Variants in VPS53 observed in about 807,000 individuals in gnomAD.
VPS53 encodes the protein VPS53 subunit of GARP complex, also known as vacuolar protein sorting-associated protein 53 homolog.
A neutral mutation model predicts 107.0 loss-of-function variants in VPS53; 70 were observed. The ratio of observed to expected loss-of-function variants is 0.65; its 90% confidence interval spans 0.54 to 0.80. The LOEUF is 0.80. Ranked by LOEUF, VPS53 falls within the 30% of genes least tolerant of loss-of-function variation. The pLI is 0.00. For synonymous variants in VPS53, 409 were observed against 393.3 expected (o/e 1.04, Z -0.47); for missense variants, 917 against 1,049.4 (o/e 0.87, Z 1.74).
rs979567587 is a variant in VPS53, at chr17:519,362, C to T, written c.2329-64G>A. ...GGCCAGAATGGCCCACGGGGGACAGCGCAGTATCTGGATATGGGGTCAGCA... is the reference window on the plus strand; with the variant it reads ...GGCCAGAATGGCCCACGGGGGACAGTGCAGTATCTGGATATGGGGTCAGCA... On this transcript the variant is annotated intron_variant, in intron 21 of 21. Coordinates refer to ENST00000437048, the MANE Select transcript of VPS53 (RefSeq NM_001128159.3). The surrounding 1 kb of genome is among the most constrained non-coding windows in gnomAD (Gnocchi z 5.0). 4.2e-6 allele frequency: 6 copies of T among 1,417,236 alleles called. No homozygotes were observed. The highest frequency in any genetic ancestry group is 3.1e-5 in the Admixed American group (1 of 32,176). 87.8% of individuals were successfully genotyped at this position (1,417,236 alleles called of 1,614,324 possible).
intron 11 of VPS53, among the ~76,000 whole-genome samples, chr17:620,704 TCTCA>T (rs1969433346): frequency 6.9e-6 from 1 of 144,140 alleles, no homozygotes; most frequent in African/African-American, 2.6e-5. Context: ...TGAGATGGAG[TCTCA>T]CTCTGTCGCC....
At position 513,719 on chromosome 17, in the gene VPS53, A is replaced by G. The variant is rs531346849; in HGVS notation, c.*5409T>C. ...TCCGAGTGCTCTTCCTAGGGAAGGAATCTCATTTCCAGCAGGTTATTCCGA... is the reference window on the plus strand; with the variant it reads ...TCCGAGTGCTCTTCCTAGGGAAGGAGTCTCATTTCCAGCAGGTTATTCCGA... On this transcript the variant is annotated 3_prime_UTR_variant, in exon 22 of 22. Coordinates refer to ENST00000437048, the MANE Select transcript of VPS53 (RefSeq NM_001128159.3). The G allele has an allele frequency of 3.7e-4, 51 of 137,996 alleles. No homozygotes were observed. Among genetic ancestry groups the G allele is most frequent in the African/African-American group, 1.1e-3 (41 of 37,624 alleles). The allele number at this position is 137,996 out of a possible 1,614,324, so 8.5% of individuals were successfully genotyped here. A position where few individuals can be genotyped will look rare whatever the true frequency, so the allele number is the denominator to read the frequency against.
rs1359611039 is a variant in VPS53, at chr17:511,228, T to C, written c.*7900A>G. On this transcript the variant is annotated 3_prime_UTR_variant, in exon 22 of 22. Transcript: ENST00000437048. Reference sequence around the variant, plus strand: ...AGCTGAGAAGTGCCTTCCTTTTCCATCAGCGCAAGGCAAACACATGAAGGG... The same window carrying C: ...AGCTGAGAAGTGCCTTCCTTTTCCACCAGCGCAAGGCAAACACATGAAGGG... 6.6e-6 allele frequency: 1 copy of C among 152,190 alleles called. No homozygotes were observed. 9.4% of individuals were successfully genotyped at this position (152,190 alleles called of 1,614,324 possible).
At chr17:682,328 G>T (rs1200872928) in intron 4 of VPS53, among the ~76,000 whole-genome samples, 1 of 152,180 alleles carries the variant, frequency 6.6e-6, no homozygotes, top group Non-Finnish European at 1.5e-5. Context: ...CAGAAAGAGT[G>T]CTGCTCTTAC....
intron 7 of VPS53, among the ~76,000 whole-genome samples, chr17:635,529 G>A (rs1323881746): frequency 1.3e-5 from 2 of 152,214 alleles, no homozygotes; most frequent in African/African-American, 4.8e-5. Context: ...TATGGTTTTA[G>A]GTCTAACATT....
At position 628,219 on chromosome 17, in the gene VPS53, G is replaced by A; in HGVS notation, c.700C>T (p.Pro234Ser). The A allele has an allele frequency of 1.2e-6, 2 of 1,613,612 alleles. No individual in the cohort carries two copies. Among genetic ancestry groups the A allele is most frequent in the Non-Finnish European group, 1.7e-6 (2 of 1,179,886 alleles). Residue 234 changes from proline to serine, a missense_variant, in exon 9 of 22, where the codon CCC becomes TCC. Transcript: ENST00000437048. The stretch of plus-strand genomic sequence containing the variant: ...CATGCATCTCGTAGAACATTGCTGG[G>A]TCCTCCTGGTCTCTAGTAAAACAAA... ...PSQGTKRPGG[P>S]SNVLRDACLV...
At chr17:654,987 C>T (rs959562462) in intron 6 of VPS53, among the ~76,000 whole-genome samples, 3 of 152,112 alleles carry the variant, frequency 2.0e-5, no homozygotes, top group African/African-American at 7.2e-5. Flanking sequence ...GGAGCTCATC[C>T]AATACCTAGA....
At chr17:603,422 A>C (rs1255628573) in intron 11 of VPS53, among the ~76,000 whole-genome samples, 6 of 152,270 alleles carry the variant, frequency 3.9e-5, no homozygotes, top group Non-Finnish European at 7.3e-5. Flanking sequence ...ACTCCGTCTC[A>C]AAAATAAAAT....
At chr17:695,427 T>G (rs1972922361) in intron 4 of VPS53, among the ~76,000 whole-genome samples, 1 of 152,134 alleles carries the variant, frequency 6.6e-6, no homozygotes, top group South Asian at 2.1e-4. Context: ...AAAGAGTCTG[T>G]AAGCACAGGT....
chr17:608,623 T>C (rs565882461), intron 11 of VPS53, among the ~76,000 whole-genome samples: 3 of 138,338 alleles, frequency 2.2e-5, no homozygotes, highest in East Asian at 4.6e-4. Flanking sequence ...TTTTCTTTTC[T>C]TTTTTTTTTT....
chr17:641,848 T>A (rs1223728455), intron 7 of VPS53, among the ~76,000 whole-genome samples: 1 of 152,146 alleles, frequency 6.6e-6, no homozygotes, highest in Non-Finnish European at 1.5e-5. Context: ...GTTCAGCCTG[T>A]TGCATGGTGG....
At chr17:698,890 G>A (rs1047231421) in intron 3 of VPS53, among the ~76,000 whole-genome samples, 4 of 152,000 alleles carry the variant, frequency 2.6e-5, no homozygotes, top group Admixed American at 1.3e-4. Context: ...TTATATGGCC[G>A]GGTGCGGTGG....
chr17:623,665 A>C lies in VPS53; in HGVS notation c.984T>G (p.Leu328=), dbSNP rs762464266. ...TCGCTCTGGTACGCATAATCTTGGC[A>C]AGTTCTGCCCTTCAAAACAAAGAGA... is the stretch of plus-strand genomic sequence containing the variant. ...VEFCHVTRAE[L]AKIMRTRAKE... The change falls in exon 11 of 22, where the codon CTT becomes CTG. Residue 328 remains leucine (L), a synonymous_variant. Transcript: ENST00000437048. The C allele has an allele frequency of 4.3e-6, 7 of 1,612,236 alleles. No homozygotes were observed. The highest frequency in any genetic ancestry group is 5.1e-6 in the Non-Finnish European group (6 of 1,178,528).
In VPS53 at chr17:516,140, G is replaced by T. The variant is rs965006280; in HGVS notation, c.*2988C>A. 2.0e-5 allele frequency: 3 copies of T among 151,922 alleles called. No homozygotes were observed. The highest frequency in any genetic ancestry group is 7.3e-5 in the African/African-American group (3 of 41,320). 9.4% of individuals were successfully genotyped at this position (151,922 alleles called of 1,614,324 possible). On this transcript the variant is annotated 3_prime_UTR_variant, in exon 22 of 22. Coordinates refer to ENST00000437048, the MANE Select transcript of VPS53 (RefSeq NM_001128159.3). The stretch of plus-strand genomic sequence containing the variant: ...TAAAATGAAAGCTGTTATCAGTAGA[G>T]AATCTTCACCACGTTGGCACCAGCT...
chr17:591,260 C>A (rs1967630783), intron 12 of VPS53, among the ~76,000 whole-genome samples: 1 of 152,066 alleles, frequency 6.6e-6, no homozygotes, highest in Admixed American at 6.5e-5. Flanking sequence ...CTATTTGATT[C>A]TTCTCTCTTT....
At chr17:661,994 C>G in intron 4 of VPS53, 99 bp from the exon 5 acceptor site, 2 of 1,078,570 alleles carry the variant, frequency 1.9e-6, no homozygotes. Flanking sequence ...TTCCATGAAG[C>G]TCTCCTGATT....
chr17:519,703 T>G lies in VPS53; in HGVS notation c.2328+123A>C, dbSNP rs1908574364. 1.3e-6 allele frequency: 1 copy of G among 765,510 alleles called. No individual in the cohort carries two copies. The highest frequency in any genetic ancestry group is 2.4e-5 in the Admixed American group (1 of 41,972). The allele number at this position is 765,510 out of a possible 1,614,324, so 47.4% of individuals were successfully genotyped here. A position where few individuals can be genotyped will look rare whatever the true frequency, so the allele number is the denominator to read the frequency against. On this transcript the variant is annotated intron_variant, in intron 21 of 21. Coordinates refer to ENST00000437048, the MANE Select transcript of VPS53 (RefSeq NM_001128159.3). This position sits in a 1 kb window ranked among gnomAD's most constrained non-coding sequence, Gnocchi z 5.0. ...AGAGGCTTCTCTGAATCCGGTTTGC[T>G]CTGTGGAGCCAGGCACATGCATTTT...
intron 3 of VPS53, 34 bp from the exon 4 acceptor site, chr17:697,518 A>G: frequency 2.0e-6 from 3 of 1,536,534 alleles, no homozygotes; most frequent in Non-Finnish European, 2.7e-6. Context: ...AGTCATTCAA[A>G]TAATCTTTAT....
intron 4 of VPS53, among the ~76,000 whole-genome samples, chr17:687,767 T>C (rs150162993): frequency 2.2e-3 from 334 of 152,128 alleles, no homozygotes; most frequent in African/African-American, 7.7e-3. Flanking sequence ...AGTGGATAAA[T>C]AAAATAAAGT....
Sources: gnomAD v4.1 joint callset for allele counts (sites outside exome capture counted in the v4.1 genomes callset) on GRCh38, gnomAD v4.1.1 for gene constraint, Gnocchi (gnomAD v3.1) non-coding constraint, MANE v1.5 for transcripts, NCBI Gene and HGNC (gene_info 2026-07-23, HGNC 2026-07-21) for gene names.